RNF220: variants seen among roughly 807,000 people sequenced by gnomAD.
The protein encoded by RNF220 is E3 ubiquitin-protein ligase RNF220.
In RNF220, 7 loss-of-function variants were observed where a neutral mutation model predicts 67.1. The observed-to-expected ratio is 0.10, with a 90% CI of 0.06 to 0.20. The LOEUF (loss-of-function observed/expected upper bound fraction) is 0.20. Ranked by LOEUF, RNF220 falls within the 10% of genes least tolerant of loss-of-function variation. RNF220 has a pLI of 1.00. For synonymous variants in RNF220, 270 were observed against 283.2 expected, an observed-to-expected ratio of 0.95 and a Z score of 0.47; for missense variants, 565 against 740.3, an observed-to-expected ratio of 0.76 and a Z score of 2.75.
chr1:44,435,758 C>T (rs1438757151), intron 2 of RNF220, among the ~76,000 whole-genome samples: 2 of 151,994 alleles, frequency 1.3e-5, no homozygotes, highest in African/African-American at 2.4e-5. Flanking sequence ...GGTGAAACCT[C>T]GTCTCTACTA....
chr1:44,606,523 C>G lies in RNF220; in HGVS notation c.626-7642C>G, dbSNP rs1305464642. ...TGCTTTTCATGCCTTATGTCCTTGA[C>G]CTCTCAACAGCATTTGACCTTACTG... On this transcript the variant is annotated intron_variant, in intron 2 of 14. Transcript: ENST00000361799. The surrounding 1 kb of genome is among the most constrained non-coding windows in gnomAD (Gnocchi z 4.2). Among the ~76,000 whole-genome samples, 1 of 152,154 alleles carries G rather than the reference C, an allele frequency of 6.6e-6. No homozygotes were observed. The highest frequency in any genetic ancestry group is 1.9e-4 in the East Asian group (1 of 5,198).
In RNF220 at chr1:44,566,027, T is replaced by A. The variant is rs141216844; in HGVS notation, c.626-48138T>A. Reference sequence around the variant, plus strand: ...CAGAGGGGCACACGCTGCCCATAAATCTGCTGGGGCTGATGGCTCCCTAAG... The same window carrying A: ...CAGAGGGGCACACGCTGCCCATAAAACTGCTGGGGCTGATGGCTCCCTAAG... On this transcript the variant is annotated intron_variant, in intron 2 of 14. Transcript: ENST00000361799. Among the ~76,000 whole-genome samples the A allele has an allele frequency of 2.1e-3, 327 of 152,284 alleles. 1 individual carries two copies. The highest frequency in any genetic ancestry group is 4.1e-3 in the Non-Finnish European group (278 of 68,014).
intron 7 of RNF220, chr1:44,635,798 C>T (rs532736600): frequency 1.5e-6 from 2 of 1,327,660 alleles, no homozygotes; most frequent in East Asian, 2.5e-5. Context: ...CTGACCACTG[C>T]TCTCTCCTTT....
intron 6 of RNF220, among the ~76,000 whole-genome samples, chr1:44,634,167 G>A (rs779688325): frequency 6.6e-6 from 1 of 152,210 alleles, no homozygotes. Context: ...TGGAGCCCTA[G>A]CACACTCACT....
intron 2 of RNF220, among the ~76,000 whole-genome samples, chr1:44,529,188 A>C (rs1660639067): frequency 2.6e-5 from 4 of 152,246 alleles, no homozygotes; most frequent in Admixed American, 2.6e-4. Flanking sequence ...ATCTGAGAAC[A>C]ACCTAATGTT....
chr1:44,641,877 G>C (rs1227845455), intron 8 of RNF220, among the ~76,000 whole-genome samples: 1 of 152,260 alleles, frequency 6.6e-6, no homozygotes, highest in East Asian at 1.9e-4. Flanking sequence ...GGCAAACAAA[G>C]TGTGTCGTGC....
intron 2 of RNF220, among the ~76,000 whole-genome samples, chr1:44,535,381 C>T (rs918363010): frequency 3.3e-5 from 5 of 151,986 alleles, no homozygotes; most frequent in South Asian, 2.1e-4. Flanking sequence ...CCTTGTGATC[C>T]GCCCACCTTG....
chr1:44,575,757 GAA>G (rs1166391400), intron 2 of RNF220, among the ~76,000 whole-genome samples: 1 of 152,200 alleles, frequency 6.6e-6, no homozygotes, highest in Non-Finnish European at 1.5e-5. Flanking sequence ...TCAAAAAACT[GAA>G]AATAGAACTA....
intron 9 of RNF220, 70 bp from the exon 10 acceptor site, chr1:44,644,925 G>T: frequency 6.3e-7 from 1 of 1,576,198 alleles, no homozygotes; most frequent in Non-Finnish European, 8.7e-7. Context: ...GGAGGGCCAT[G>T]CTCTCCTGAG....
At chr1:44,462,519 G>A (rs191345368) in intron 2 of RNF220, among the ~76,000 whole-genome samples, 1 of 152,308 alleles carries the variant, frequency 6.6e-6, no homozygotes, top group Admixed American at 6.5e-5. Flanking sequence ...AAACTTGATA[G>A]AGGTTTCCCC....
chr1:44,469,482 TC>T (rs1474037586), intron 2 of RNF220, among the ~76,000 whole-genome samples: 2 of 151,992 alleles, frequency 1.3e-5, no homozygotes, highest in Non-Finnish European at 2.9e-5. Flanking sequence ...TTTTCAAACC[TC>T]CCCCCTAATA....
At chr1:44,584,355 C>A (rs1203906859) in intron 2 of RNF220, among the ~76,000 whole-genome samples, 2 of 152,374 alleles carry the variant, frequency 1.3e-5, no homozygotes, top group African/African-American at 4.8e-5. Context: ...GAGCGTGGTT[C>A]ATTCCTCTTT....
intron 2 of RNF220, among the ~76,000 whole-genome samples, chr1:44,478,994 G>A (rs1211645550): frequency 6.6e-6 from 1 of 151,998 alleles, no homozygotes; most frequent in Non-Finnish European, 1.5e-5. Flanking sequence ...GCTTTTTTCA[G>A]CCTACTGCCT....
intron 2 of RNF220, among the ~76,000 whole-genome samples, chr1:44,453,712 A>G (rs1342116668): frequency 6.6e-6 from 1 of 152,044 alleles, no homozygotes; most frequent in Non-Finnish European, 1.5e-5. Context: ...ATTTGCATTT[A>G]TGTTCTTAAG....
At chr1:44,542,979 C>G (rs992689013) in intron 2 of RNF220, among the ~76,000 whole-genome samples, 2 of 152,152 alleles carry the variant, frequency 1.3e-5, no homozygotes, top group South Asian at 2.1e-4. Flanking sequence ...TCCTGGAGGG[C>G]CCTGTCTCTC....
chr1:44,533,641 G>T (rs72689714), intron 2 of RNF220, among the ~76,000 whole-genome samples: 3 of 152,096 alleles, frequency 2.0e-5, no homozygotes, highest in Non-Finnish European at 4.4e-5. Flanking sequence ...CCCTGAAGAG[G>T]TTCAAAAGCT....
chr1:44,505,861 C>T (rs1364880503), intron 2 of RNF220, among the ~76,000 whole-genome samples: 1 of 152,046 alleles, frequency 6.6e-6, no homozygotes, highest in Non-Finnish European at 1.5e-5. Flanking sequence ...CTTCGTTTCT[C>T]CCTTGACCTC....
Position 44,649,826 on chromosome 1 carries a change from A to T in RNF220, c.1554+57A>T. On this transcript the variant is annotated intron_variant, in intron 13 of 14. Transcript: ENST00000361799. This position sits in a 1 kb window ranked among gnomAD's most constrained non-coding sequence, Gnocchi z 5.9. Reference sequence around the variant, plus strand: ...GTCAGGCTTCCACGCCCTCTGGGGGAGTTGGAGAGGGTGGGCCTACCTCAG... The same window carrying T: ...GTCAGGCTTCCACGCCCTCTGGGGGTGTTGGAGAGGGTGGGCCTACCTCAG... The T allele has an allele frequency of 6.2e-7, 1 of 1,612,772 alleles. No homozygotes were observed.
intron 2 of RNF220, among the ~76,000 whole-genome samples, chr1:44,463,688 G>T (rs562280510): frequency 6.6e-6 from 1 of 152,132 alleles, no homozygotes; most frequent in Non-Finnish European, 1.5e-5. Flanking sequence ...TAGACAATTG[G>T]TGTATAATTG....
Sources: gnomAD v4.1 joint callset for allele counts (sites outside exome capture counted in the v4.1 genomes callset) on GRCh38, gnomAD v4.1.1 for gene constraint, Gnocchi (gnomAD v3.1) non-coding constraint, MANE v1.5 for transcripts, NCBI Gene and HGNC (gene_info 2026-07-23, HGNC 2026-07-21) for gene names.